SYNDIG1: variants seen among roughly 807,000 people sequenced by gnomAD.
SYNDIG1 encodes the protein synapse differentiation inducing 1, also known as synapse differentiation-inducing gene protein 1.
A neutral mutation model predicts 19.4 loss-of-function variants in SYNDIG1; 9 were observed. That is an observed-to-expected ratio of 0.46 (90% CI 0.28 to 0.81). SYNDIG1 has a LOEUF of 0.81. SYNDIG1 is among the 30% of genes least tolerant of loss of function. The probability of loss-of-function intolerance (pLI) is 0.12; values close to 1 mark genes in which losing one functional copy is unlikely to be tolerated. For missense variants in SYNDIG1, 311 were observed against 343.3 expected (o/e 0.91, Z 0.74); for synonymous variants, 141 against 145.9 (o/e 0.97, Z 0.24).
chr20:24,497,110 A>G (rs975123859), intron 1 of SYNDIG1, among the ~76,000 whole-genome samples: 3 of 152,334 alleles, frequency 2.0e-5, no homozygotes, highest in East Asian at 3.9e-4. Flanking sequence ...TTGAAATGAG[A>G]TGATTGATGT....
chr20:24,541,833 G>A (rs2057475037), intron 1 of SYNDIG1, among the ~76,000 whole-genome samples: 1 of 152,148 alleles, frequency 6.6e-6, no homozygotes, highest in African/African-American at 2.4e-5. Context: ...ACTGTCCTGG[G>A]GCAAGACTCC....
chr20:24,658,574 T>C lies in SYNDIG1; in HGVS notation c.619-6772T>C, dbSNP rs565886146. Among the ~76,000 whole-genome samples, 1 of 151,770 alleles carries C rather than the reference T, an allele frequency of 6.6e-6. No individual in the cohort carries two copies. Among genetic ancestry groups the C allele is most frequent in the Non-Finnish European group, 1.5e-5 (1 of 67,944 alleles). Reference sequence around the variant, plus strand: ...CCTTCATCTTGCAGCCGTTTCATTATCTCCACCCTGACATCGAACCGTGTG... The same window carrying C: ...CCTTCATCTTGCAGCCGTTTCATTACCTCCACCCTGACATCGAACCGTGTG... On this transcript the variant is annotated intron_variant, in intron 3 of 3. Coordinates refer to ENST00000376862, the MANE Select transcript of SYNDIG1 (RefSeq NM_024893.3). This position sits in a 1 kb window ranked among gnomAD's most constrained non-coding sequence, Gnocchi z 4.4.
At chr20:24,529,758 G>A in intron 1 of SYNDIG1, among the ~76,000 whole-genome samples, 1 of 150,398 alleles carries the variant, frequency 6.6e-6, no homozygotes, top group East Asian at 2.0e-4. Context: ...AATGGTGATG[G>A]TACTCCTATT....
At chr20:24,561,010 A>C (rs946664618) in intron 2 of SYNDIG1, among the ~76,000 whole-genome samples, 6 of 148,934 alleles carry the variant, frequency 4.0e-5, no homozygotes, top group Non-Finnish European at 5.9e-5. Flanking sequence ...TTTTTTTTTA[A>C]CTCTTTTTTT....
intron 1 of SYNDIG1, among the ~76,000 whole-genome samples, chr20:24,501,206 A>G (rs2056446474): frequency 6.6e-6 from 1 of 152,144 alleles, no homozygotes; most frequent in Non-Finnish European, 1.5e-5. Flanking sequence ...TACTTTACAT[A>G]TGTAGGGTGT....
chr20:24,564,229 T>A (rs948355024), intron 2 of SYNDIG1, among the ~76,000 whole-genome samples: 1 of 152,202 alleles, frequency 6.6e-6, no homozygotes, highest in Non-Finnish European at 1.5e-5. Flanking sequence ...GTGATGACAG[T>A]GTGTTGATTT....
At chr20:24,622,069 T>C (rs1006504863) in intron 3 of SYNDIG1, among the ~76,000 whole-genome samples, 1 of 152,146 alleles carries the variant, frequency 6.6e-6, no homozygotes, top group Admixed American at 6.5e-5. Context: ...CAAACTCAAA[T>C]ATGACTCAGA....
chr20:24,504,248 G>A (rs1186064604), intron 1 of SYNDIG1, among the ~76,000 whole-genome samples: 5 of 152,182 alleles, frequency 3.3e-5, no homozygotes, highest in African/African-American at 4.8e-5. Context: ...GTGAGCCACC[G>A]CGCCCAGCCA....
chr20:24,596,166 C>T (rs780557392), intron 3 of SYNDIG1, among the ~76,000 whole-genome samples: 14 of 152,166 alleles, frequency 9.2e-5, no homozygotes, highest in Non-Finnish European at 1.6e-4. Context: ...TCTTTGTTCT[C>T]ATTAGTTTCA....
intron 1 of SYNDIG1, among the ~76,000 whole-genome samples, chr20:24,487,542 G>A (rs1314781688): frequency 6.6e-6 from 1 of 152,170 alleles, no homozygotes; most frequent in Non-Finnish European, 1.5e-5. Flanking sequence ...CCTGCAAAGG[G>A]TCCAGCGCAC....
In SYNDIG1 at chr20:24,584,725, C is replaced by T. The variant is rs113154310; in HGVS notation, c.481-131C>T. ...GCAGCAATAACGATGACTCGAACAA[C>T]GTCAGCAACTGCAGCTGCCTCCCGG... On this transcript the variant is annotated intron_variant, in intron 2 of 3. Transcript: ENST00000376862. The T allele has an allele frequency of 2.0e-4, 254 of 1,244,740 alleles. 2 individuals are homozygous for T. The African/African-American group carries it at 2.4e-3, about 12-fold the overall frequency. The allele number at this position is 1,244,740 out of a possible 1,614,324, so 77.1% of individuals were successfully genotyped here.
chr20:24,530,776 TG>T (rs2057240116), intron 1 of SYNDIG1, among the ~76,000 whole-genome samples: 1 of 151,504 alleles, frequency 6.6e-6, no homozygotes, highest in South Asian at 2.1e-4. Flanking sequence ...ATTAGTTTTG[TG>T]GGGGGTTTTG....
At chr20:24,547,645 C>G (rs936256385) in intron 2 of SYNDIG1, among the ~76,000 whole-genome samples, 1 of 152,154 alleles carries the variant, frequency 6.6e-6, no homozygotes. Flanking sequence ...GGCCTGATGT[C>G]CGACAGCCCA....
intron 3 of SYNDIG1, among the ~76,000 whole-genome samples, chr20:24,645,929 G>A (rs2059418550): frequency 1.3e-5 from 2 of 152,298 alleles, no homozygotes; most frequent in Middle Eastern, 3.4e-3. Flanking sequence ...CAGGAGTCAA[G>A]GCACCCTTCT....
At chr20:24,537,785 G>A (rs1039594490) in intron 1 of SYNDIG1, among the ~76,000 whole-genome samples, 2 of 151,956 alleles carry the variant, frequency 1.3e-5, no homozygotes, top group Admixed American at 6.6e-5. Context: ...TACTTGAGGG[G>A]GTACACTTTG....
intron 1 of SYNDIG1, among the ~76,000 whole-genome samples, chr20:24,497,258 G>A (rs895699449): frequency 2.0e-5 from 3 of 152,128 alleles, no homozygotes; most frequent in African/African-American, 7.2e-5. Context: ...GCTGAGTGCA[G>A]GGATGCGATC....
At chr20:24,525,307 T>TTTTTG (rs2057100363) in intron 1 of SYNDIG1, among the ~76,000 whole-genome samples, 1 of 83,678 alleles carries the variant, frequency 1.2e-5, no homozygotes, top group Admixed American at 1.2e-4. Context: ...TTTTTTTTTT[T>TTTTTG]TTGAGACAGA....
chr20:24,643,138 T>G (rs6114812), intron 3 of SYNDIG1, among the ~76,000 whole-genome samples: 68,652 of 151,934 alleles, frequency 0.45, 16,522 homozygotes, highest in African/African-American at 0.61. Context: ...TACTGGTGCC[T>G]CCAACTCTAA....
At chr20:24,533,195 A>G (rs1362867553) in intron 1 of SYNDIG1, among the ~76,000 whole-genome samples, 2 of 151,816 alleles carry the variant, frequency 1.3e-5, no homozygotes, top group Non-Finnish European at 2.9e-5. Context: ...ACGCTTGCAG[A>G]AAGAATTAAC....
Sources: gnomAD v4.1 joint callset for allele counts (sites outside exome capture counted in the v4.1 genomes callset) on GRCh38, gnomAD v4.1.1 for gene constraint, Gnocchi (gnomAD v3.1) non-coding constraint, MANE v1.5 for transcripts, NCBI Gene and HGNC (gene_info 2026-07-23, HGNC 2026-07-21) for gene names.